The following CNDP1 variants were observed in gnomAD, a reference collection of about 807,000 sequenced individuals.
CNDP1 encodes beta-Ala-His dipeptidase.
A neutral mutation model predicts 58.1 loss-of-function variants in CNDP1; 44 were observed. The observed-to-expected ratio is 0.76, with a 90% CI of 0.60 to 0.97. The LOEUF is 0.97. CNDP1 is among the 50% of genes least tolerant of loss of function. The pLI, the probability that CNDP1 is intolerant of heterozygous loss-of-function variation, is 0.00. For synonymous variants in CNDP1, 254 were observed against 252.6 expected (o/e 1.01, Z -0.05); for missense variants, 616 against 655.1 (o/e 0.94, Z 0.65).
intron 1 of CNDP1, among the ~76,000 whole-genome samples, chr18:74,538,191 C>T (rs528479843): frequency 1.3e-5 from 2 of 152,320 alleles, no homozygotes; most frequent in Non-Finnish European, 2.9e-5. Context: ...CCCTCCTATT[C>T]GCCCCTCCCT....
intron 1 of CNDP1, among the ~76,000 whole-genome samples, chr18:74,547,532 TTAGG>T (rs1980793304): frequency 6.6e-6 from 1 of 152,306 alleles, no homozygotes; most frequent in East Asian, 1.9e-4. Context: ...CCATCCTCCT[TTAGG>T]GATGCCTGCT....
intron 1 of CNDP1, among the ~76,000 whole-genome samples, chr18:74,539,112 G>C (rs1980552584): frequency 6.6e-6 from 1 of 151,830 alleles, no homozygotes; most frequent in African/African-American, 2.4e-5. Flanking sequence ...GAGAGATTAT[G>C]GCCGGAAAAT....
chr18:74,538,289 C>A (rs1335710970), intron 1 of CNDP1, among the ~76,000 whole-genome samples: 1 of 152,200 alleles, frequency 6.6e-6, no homozygotes, highest in Non-Finnish European at 1.5e-5. Context: ...ATACAATATG[C>A]AGCCTCTTGT....
chr18:74,563,964 A>C (rs1568296889), intron 5 of CNDP1, among the ~76,000 whole-genome samples: 1 of 152,236 alleles, frequency 6.6e-6, no homozygotes, highest in South Asian at 2.1e-4. Flanking sequence ...GAACCTTCAG[A>C]TATTAAGATT....
intron 9 of CNDP1, among the ~76,000 whole-genome samples, chr18:74,579,080 C>G (rs1269219900): frequency 6.6e-6 from 1 of 151,954 alleles, no homozygotes; most frequent in South Asian, 2.1e-4. Context: ...GTCTCTCTTT[C>G]TCCCTCCCGG....
chr18:74,544,705 G>A (rs1402111134), intron 1 of CNDP1, among the ~76,000 whole-genome samples: 1 of 135,584 alleles, frequency 7.4e-6, no homozygotes, highest in Non-Finnish European at 1.5e-5. Flanking sequence ...GCAGCAGAGC[G>A]AGGTTCTGTC....
intron 6 of CNDP1, 55 bp downstream of exon 6, chr18:74,567,488 C>G: frequency 7.1e-7 from 1 of 1,407,868 alleles, no homozygotes; most frequent in Non-Finnish European, 1.0e-6. Context: ...TGAATGGGAG[C>G]ACCAATCCAT....
chr18:74,560,745 C>T (rs1981171384), intron 3 of CNDP1, 111 bp from the exon 4 acceptor site: 2 of 992,932 alleles, frequency 2.0e-6, no homozygotes, highest in East Asian at 2.4e-5. Flanking sequence ...GATGGAGAAA[C>T]TGATGCTCAG....
intron 9 of CNDP1, 151 bp from the exon 10 acceptor site, chr18:74,579,979 C>A (rs761036300): frequency 1.5e-6 from 1 of 688,770 alleles, no homozygotes; most frequent in Non-Finnish European, 2.4e-6. Flanking sequence ...GGGAAAATCA[C>A]AACACTTGCG....
At chr18:74,572,092 AC>A (rs1165714190) in intron 7 of CNDP1, among the ~76,000 whole-genome samples, 1 of 152,116 alleles carries the variant, frequency 6.6e-6, no homozygotes, top group Non-Finnish European at 1.5e-5. Context: ...TGTCAGCACC[AC>A]TTGGCTTCAT....
chr18:74,569,409 G>T (rs1026292783), intron 6 of CNDP1, among the ~76,000 whole-genome samples: 1 of 152,182 alleles, frequency 6.6e-6, no homozygotes, highest in African/African-American at 2.4e-5. Flanking sequence ...ATGCTGGTAG[G>T]AAGTAATTGC....
intron 7 of CNDP1, among the ~76,000 whole-genome samples, chr18:74,572,227 C>T (rs1029635507): frequency 8.6e-5 from 13 of 151,968 alleles, no homozygotes; most frequent in African/African-American, 3.1e-4. Context: ...ATGTTTTTCT[C>T]GGGGAGCCTG....
At chr18:74,577,961 T>A (rs575689881) in intron 8 of CNDP1, 1 of 498,480 alleles carries the variant, frequency 2.0e-6, no homozygotes, top group Non-Finnish European at 3.6e-6. Context: ...GGAGCATTGG[T>A]AGTGATGGGT....
intron 6 of CNDP1, among the ~76,000 whole-genome samples, chr18:74,568,038 G>A (rs78112180): frequency 0.047 from 7,234 of 152,298 alleles, 210 homozygotes; most frequent in Middle Eastern, 0.061. Context: ...GAGGTTTGAC[G>A]CATAATCAGT....
chr18:74,582,453 C>T (rs1170045326), intron 10 of CNDP1, among the ~76,000 whole-genome samples: 1 of 152,166 alleles, frequency 6.6e-6, no homozygotes, highest in African/African-American at 2.4e-5. Flanking sequence ...GCTAGAAACA[C>T]TGTGACATTT....
intron 1 of CNDP1, among the ~76,000 whole-genome samples, chr18:74,539,510 G>T (rs1289727211): frequency 6.6e-6 from 1 of 152,170 alleles, no homozygotes; most frequent in African/African-American, 2.4e-5. Context: ...TCCTTCCTTG[G>T]CCAGCACTGC....
rs771007469 is a variant in CNDP1 at position 74,585,716 on chromosome 18, C to T, written c.*1154C>T. 4.6e-5 allele frequency: 7 copies of T among 152,040 alleles called. No homozygotes were observed. The highest frequency in any genetic ancestry group is 1.0e-4 in the Non-Finnish European group (7 of 68,002). The allele number at this position is 152,040 out of a possible 1,614,324, so 9.4% of individuals were successfully genotyped here. A position where few individuals can be genotyped will look rare whatever the true frequency, so the allele number is the denominator to read the frequency against. ...TCCAAATAAAAACAAAGCAGAGGGC[C>T]AGGCGCGGTGGCTCATGCCCATAAT... On this transcript the variant is annotated 3_prime_UTR_variant, in exon 12 of 12. Transcript: ENST00000358821.
At chr18:74,582,817 T>A (rs1393662622) in intron 10 of CNDP1, among the ~76,000 whole-genome samples, 1 of 151,980 alleles carries the variant, frequency 6.6e-6, no homozygotes, top group Non-Finnish European at 1.5e-5. Context: ...AAGTCTGGAG[T>A]GTAGTTAACA....
chr18:74,556,099 A>C (rs189180123), intron 1 of CNDP1, among the ~76,000 whole-genome samples: 17 of 152,348 alleles, frequency 1.1e-4, no homozygotes, highest in Admixed American at 7.8e-4. Context: ...ATGTTATTTA[A>C]AGATGAGCTT....
Sources: gnomAD v4.1 joint callset for allele counts (sites outside exome capture counted in the v4.1 genomes callset) on GRCh38, gnomAD v4.1.1 for gene constraint, MANE v1.5 for transcripts, NCBI Gene and HGNC (gene_info 2026-07-23, HGNC 2026-07-21) for gene names.